The following CEP68 variants were observed in gnomAD, a reference collection of about 807,000 sequenced individuals.
The protein encoded by CEP68 is centrosomal protein of 68 kDa.
In CEP68, 26 loss-of-function variants were observed where a neutral mutation model predicts 55.3. The ratio of observed to expected loss-of-function variants is 0.47; its 90% confidence interval spans 0.34 to 0.65. CEP68 has a LOEUF of 0.65. Ranked by LOEUF, CEP68 falls within the 30% of genes least tolerant of loss-of-function variation. The pLI is 0.01. For synonymous variants in CEP68, 402 were observed against 383.2 expected, an observed-to-expected ratio of 1.05 and a Z score of -0.57; for missense variants, 957 against 946.7, an observed-to-expected ratio of 1.01 and a Z score of -0.14.
chr2:65,068,153 A>G (rs1408537733), intron 1 of CEP68, among the ~76,000 whole-genome samples: 2 of 152,110 alleles, frequency 1.3e-5, no homozygotes, highest in African/African-American at 2.4e-5. Flanking sequence ...CATCCTGGGC[A>G]TTCACGGTTC....
At chr2:65,062,377 T>C (rs749729479) in intron 1 of CEP68, among the ~76,000 whole-genome samples, 15 of 151,764 alleles carry the variant, frequency 9.9e-5, no homozygotes, top group Non-Finnish European at 1.6e-4. Flanking sequence ...CTACTAAAAA[T>C]AGAAAAATTA....
At chr2:65,076,624 T>C (rs1676774292) in intron 4 of CEP68, among the ~76,000 whole-genome samples, 1 of 117,536 alleles carries the variant, frequency 8.5e-6, no homozygotes, top group Non-Finnish European at 1.9e-5. Context: ...TTTTCTTATA[T>C]ACTTGTATTT....
At chr2:65,080,479 ACTT>A (rs1240515064) in intron 5 of CEP68, 24 of 985,250 alleles carry the variant, frequency 2.4e-5, no homozygotes, top group Non-Finnish European at 2.8e-5. Context: ...GTCCTTCCCA[ACTT>A]CTTTTATTTG....
rs1669014648 is a variant in CEP68 at position 65,085,922 on chromosome 2, C to T, written c.*2288C>T. On this transcript the variant is annotated 3_prime_UTR_variant, in exon 7 of 7. Coordinates refer to ENST00000377990, the MANE Select transcript of CEP68 (RefSeq NM_015147.3). ...GTCAAGTAGCTGAGCTTGCTAACTG[C>T]ACTGTGATGCCACACTGGAATAACT... 1 of 152,216 alleles carries T rather than the reference C, an allele frequency of 6.6e-6. No individual in the cohort carries two copies. Among genetic ancestry groups the T allele is most frequent in the Admixed American group, 6.5e-5 (1 of 15,276 alleles). 9.4% of individuals were successfully genotyped at this position (152,216 alleles called of 1,614,324 possible).
intron 1 of CEP68, among the ~76,000 whole-genome samples, chr2:65,057,155 TTGA>T (rs1675665788): frequency 6.6e-6 from 1 of 152,366 alleles, no homozygotes; most frequent in East Asian, 1.9e-4. Context: ...TTCCAGGCCC[TTGA>T]TGATTAGTAG....
At chr2:65,082,493 TG>T (rs774210045) in intron 5 of CEP68, 42 bp from the exon 6 acceptor site, 1 of 1,474,672 alleles carries the variant, frequency 6.8e-7, no homozygotes. Flanking sequence ...AACACTTGCA[TG>T]GGTTTTATTT....
chr2:65,077,360 A>G (rs1476085019), intron 4 of CEP68, among the ~76,000 whole-genome samples: 1 of 152,162 alleles, frequency 6.6e-6, no homozygotes, highest in African/African-American at 2.4e-5. Context: ...CCAAGAGGGG[A>G]AAGCAAATGA....
intron 3 of CEP68, 134 bp from the exon 4 acceptor site, chr2:65,074,147 CA>C: frequency 1.0e-6 from 1 of 997,746 alleles, no homozygotes; most frequent in South Asian, 1.5e-5. Context: ...GGAGTCGGGA[CA>C]GGTGAGCAAG....
intron 1 of CEP68, among the ~76,000 whole-genome samples, chr2:65,059,807 G>A (rs994088304): frequency 1.3e-5 from 2 of 152,192 alleles, no homozygotes; most frequent in African/African-American, 4.8e-5. Context: ...GGCAGGACCT[G>A]AGAATCTGCA....
rs1669029108 is a variant in CEP68, at chr2:65,086,415, A to AT, written c.*2787dup. 6.6e-6 allele frequency: 1 copy of AT among 152,094 alleles called. No individual in the cohort carries two copies. The highest frequency in any genetic ancestry group is 2.4e-5 in the African/African-American group (1 of 41,420). 9.4% of individuals were successfully genotyped at this position (152,094 alleles called of 1,614,324 possible). ...AAAATGGGGGTATAAAGGGGTATAT[A>AT]TTTTTTCCAGAACCACATTTATTGG... is the stretch of plus-strand genomic sequence containing the variant. On this transcript the variant is annotated 3_prime_UTR_variant, in exon 7 of 7. Transcript: ENST00000377990.
chr2:65,074,082 A>G, intron 3 of CEP68, 200 bp from the exon 4 acceptor site: 4 of 553,658 alleles, frequency 7.2e-6, no homozygotes, highest in Non-Finnish European at 1.3e-5. Flanking sequence ...GTCATTTTTG[A>G]TGTCACACCA....
intron 1 of CEP68, among the ~76,000 whole-genome samples, chr2:65,064,512 A>G (rs1303837500): frequency 6.6e-6 from 1 of 152,136 alleles, no homozygotes; most frequent in Non-Finnish European, 1.5e-5. Flanking sequence ...AGGCAGGCAG[A>G]TCACGATGTC....
At chr2:65,058,616 C>T (rs1302503744) in intron 1 of CEP68, among the ~76,000 whole-genome samples, 1 of 143,346 alleles carries the variant, frequency 7.0e-6, no homozygotes, top group Non-Finnish European at 1.5e-5. Flanking sequence ...AAGCAATTCT[C>T]CTACCTCAGC....
chr2:65,080,239 G>GT, intron 5 of CEP68: 2 of 985,224 alleles, frequency 2.0e-6, no homozygotes, highest in African/African-American at 1.7e-5. Flanking sequence ...CTCTCAAGAG[G>GT]TTTTTTACTG....
Position 65,077,935 on chromosome 2 carries a change from T to C in CEP68, c.2075T>C (p.Leu692Pro), listed in dbSNP as rs376693641. 122 of 1,613,828 alleles carry C rather than the reference T, an allele frequency of 7.6e-5. No homozygotes were observed. The highest frequency in any genetic ancestry group is 9.2e-5 in the Non-Finnish European group (108 of 1,179,838). Residue 692 changes from leucine to proline, a missense_variant, in exon 5 of 7, where the codon CTT becomes CCT. By Grantham distance (98) the Leu-to-Pro change is moderately conservative. Transcript: ENST00000377990. Reference sequence around the variant, plus strand: ...AGTGTCTTACAGAAGGGGGAGATTCTTCTTCAGTGCCTGTTGGAGAACACC... The same window carrying C: ...AGTGTCTTACAGAAGGGGGAGATTCCTCTTCAGTGCCTGTTGGAGAACACC... The part of the protein sequence containing the change: ...TESVLQKGEI[L>P]LQCLLENTPV...
At chr2:65,083,354 A>T (rs950912216) in intron 6 of CEP68, among the ~76,000 whole-genome samples, 3 of 152,236 alleles carry the variant, frequency 2.0e-5, no homozygotes, top group Admixed American at 6.5e-5. Flanking sequence ...GAGCTAGGAG[A>T]GCAAAGGTGG....
chr2:65,080,870 A>G (rs7567660), intron 5 of CEP68, among the ~76,000 whole-genome samples: 7,295 of 152,170 alleles, frequency 0.048, 185 homozygotes, highest in Middle Eastern at 0.078. Context: ...CCCTGAACCA[A>G]TGTTTCTGTG....
At chr2:65,070,024 T>C (rs747491240) in intron 2 of CEP68, among the ~76,000 whole-genome samples, 1 of 152,158 alleles carries the variant, frequency 6.6e-6, no homozygotes. Context: ...CAAGAGTGAC[T>C]GGTGACTTTT....
At chr2:65,057,884 G>C (rs1675716093) in intron 1 of CEP68, among the ~76,000 whole-genome samples, 1 of 152,002 alleles carries the variant, frequency 6.6e-6, no homozygotes, top group Non-Finnish European at 1.5e-5. Flanking sequence ...TTGAACTCCT[G>C]GGCTCAAGCA....
Sources: gnomAD v4.1 joint callset for allele counts (sites outside exome capture counted in the v4.1 genomes callset) on GRCh38, gnomAD v4.1.1 for gene constraint, MANE v1.5 for transcripts, NCBI Gene and HGNC (gene_info 2026-07-23, HGNC 2026-07-21) for gene names.